MAST4: variants seen among roughly 807,000 people sequenced by gnomAD.
MAST4 encodes microtubule associated serine/threonine kinase family member 4.
Under a neutral mutation model 162.7 loss-of-function variants are expected in MAST4, and 89 were observed. That is an observed-to-expected ratio of 0.55 (90% CI 0.46 to 0.65). MAST4 has a LOEUF of 0.65. MAST4 is among the 30% of genes least tolerant of loss of function. The pLI, the probability that MAST4 is intolerant of heterozygous loss-of-function variation, is 0.00. For missense variants in MAST4, 3,153 were observed against 3,374.0 expected, an observed-to-expected ratio of 0.93 and a Z score of 1.62; for synonymous variants, 1,479 against 1,361.1, an observed-to-expected ratio of 1.09 and a Z score of -1.91.
At chr5:66,854,535 G>T (rs1759535171) in intron 3 of MAST4, among the ~76,000 whole-genome samples, 1 of 152,118 alleles carries the variant, frequency 6.6e-6, no homozygotes, top group African/African-American at 2.4e-5. Context: ...AGCCCACTTA[G>T]ATCCTTGTCA....
intron 4 of MAST4, among the ~76,000 whole-genome samples, chr5:66,931,740 G>A (rs1742218985): frequency 6.6e-6 from 1 of 151,984 alleles, no homozygotes; most frequent in Non-Finnish European, 1.5e-5. Context: ...TGCCTGAAAG[G>A]CATGTATATA....
At chr5:67,005,172 C>G (rs543853403) in intron 4 of MAST4, 18 of 713,390 alleles carry the variant, frequency 2.5e-5, no homozygotes, top group Admixed American at 2.0e-5. Context: ...CCCTCAGGAG[C>G]TGGGGTTTTG....
intron 1 of MAST4, among the ~76,000 whole-genome samples, chr5:66,715,179 G>A (rs1170827815): frequency 6.6e-6 from 1 of 152,310 alleles, no homozygotes; most frequent in South Asian, 2.1e-4. Flanking sequence ...ATCATGTCAT[G>A]TAGTCACAGG....
At chr5:66,751,454 C>T (rs909836860) in intron 1 of MAST4, among the ~76,000 whole-genome samples, 10 of 152,060 alleles carry the variant, frequency 6.6e-5, no homozygotes, top group Non-Finnish European at 1.2e-4. Context: ...CTTAAAGGAG[C>T]TGATGGAGCT....
At chr5:66,803,048 T>G (rs1309525565) in intron 3 of MAST4, among the ~76,000 whole-genome samples, 2 of 152,196 alleles carry the variant, frequency 1.3e-5, no homozygotes, top group African/African-American at 4.8e-5. Flanking sequence ...TGACGTTTCT[T>G]GGCTCTGTAA....
intron 5 of MAST4, among the ~76,000 whole-genome samples, chr5:67,064,565 T>C (rs1760005245): frequency 6.6e-6 from 1 of 152,218 alleles, no homozygotes; most frequent in Admixed American, 6.5e-5. Flanking sequence ...TACTTTATTT[T>C]GAAAGTAGTT....
At chr5:66,975,759 C>T (rs573187495) in intron 4 of MAST4, among the ~76,000 whole-genome samples, 4 of 152,122 alleles carry the variant, frequency 2.6e-5, no homozygotes, top group East Asian at 1.9e-4. Flanking sequence ...TTTGGGAGGC[C>T]GAAGCAGGTG....
At chr5:66,667,681 C>T (rs10042301) in intron 1 of MAST4, among the ~76,000 whole-genome samples, 49,559 of 152,064 alleles carry the variant, frequency 0.33, 8,561 homozygotes, top group African/African-American at 0.45. Flanking sequence ...ATCTGTTCTT[C>T]ATTTTACTGC....
chr5:66,649,752 T>C (rs949199523), intron 1 of MAST4, among the ~76,000 whole-genome samples: 4 of 152,062 alleles, frequency 2.6e-5, no homozygotes, highest in African/African-American at 9.7e-5. Context: ...TACTCCTCTG[T>C]AAGGACCTTG....
intron 4 of MAST4, among the ~76,000 whole-genome samples, chr5:66,916,095 A>G (rs1238734488): frequency 6.6e-6 from 1 of 152,232 alleles, no homozygotes; most frequent in Non-Finnish European, 1.5e-5. Flanking sequence ...TTATGTTAAT[A>G]GCATGCTGAA....
intron 6 of MAST4, among the ~76,000 whole-genome samples, chr5:67,094,434 C>T (rs757695142): frequency 6.6e-6 from 1 of 152,210 alleles, no homozygotes; most frequent in Non-Finnish European, 1.5e-5. Context: ...ATTTTGTCCA[C>T]TCTTGTCACT....
chr5:66,800,085 T>G (rs1402317050), intron 3 of MAST4, among the ~76,000 whole-genome samples: 1 of 152,206 alleles, frequency 6.6e-6, no homozygotes, highest in African/African-American at 2.4e-5. Flanking sequence ...AGTTTATGAT[T>G]TATAGAACTG....
Position 67,166,238 on chromosome 5 carries a change from G to T in MAST4, c.7059G>T (p.Gln2353His), listed in dbSNP as rs1215701396. The T allele has an allele frequency of 6.4e-7, 1 of 1,551,880 alleles. No homozygotes were observed. Among genetic ancestry groups the T allele is most frequent in the Non-Finnish European group, 8.7e-7 (1 of 1,147,444 alleles). ...PTLCKQTDNRQTDKSPSQPAA... is the reference protein window; with the variant it reads ...PTLCKQTDNRHTDKSPSQPAA... Reference sequence around the variant, plus strand: ...TGTGCAAACAGACAGACAACAGACAGACAGACAAAAGCCCGAGTCAGCCGG... The same window carrying T: ...TGTGCAAACAGACAGACAACAGACATACAGACAAAAGCCCGAGTCAGCCGG... Residue 2353 changes from glutamine (Q) to histidine (H), a missense_variant, in exon 29 of 29, where the codon CAG (glutamine) becomes CAT (histidine). Physicochemically the swap from Gln to His is conservative, Grantham distance 24. This residue lies in a region of MAST4 where 1,644 missense variants were observed against 1,495.0 expected (regional missense o/e 1.10). Transcript: ENST00000403625.
chr5:67,018,491 G>A (rs956827457), intron 4 of MAST4, among the ~76,000 whole-genome samples: 3 of 152,010 alleles, frequency 2.0e-5, no homozygotes, highest in African/African-American at 7.3e-5. Flanking sequence ...CTTCAGCCTG[G>A]GCAACAGAAC....
Position 67,166,202 on chromosome 5 carries a change from T to C in MAST4, c.7023T>C (p.Asp2341=), listed in dbSNP as rs1418454052. The change falls in exon 29 of 29, where the codon GAT becomes GAC. Residue 2341 remains aspartate (D), a synonymous_variant. Transcript: ENST00000403625. The stretch of plus-strand genomic sequence containing the variant: ...ACCCCAAACCATCCACTGTGAAAGA[T>C]TGCCCCACCCTGTGCAAACAGACAG... ...PKHPKPSTVK[D]CPTLCKQTDN... 23 of 1,553,150 alleles carry C rather than the reference T, an allele frequency of 1.5e-5. No individual in the cohort carries two copies. The highest frequency in any genetic ancestry group is 4.9e-5 in the East Asian group (2 of 40,960).
chr5:66,652,036 G>A (rs1466036984), intron 1 of MAST4, among the ~76,000 whole-genome samples: 5 of 152,182 alleles, frequency 3.3e-5, no homozygotes, highest in Non-Finnish European at 5.9e-5. Flanking sequence ...TTTAAGGGGA[G>A]GGGATTACCT....
intron 4 of MAST4, among the ~76,000 whole-genome samples, chr5:66,940,200 T>C (rs2150100251): frequency 6.6e-6 from 1 of 152,316 alleles, no homozygotes; most frequent in Middle Eastern, 3.4e-3. Flanking sequence ...CATAATCTTT[T>C]TGCTGCTGGA....
chr5:66,604,017 C>T (rs185328569), intron 1 of MAST4, among the ~76,000 whole-genome samples: 41 of 152,318 alleles, frequency 2.7e-4, no homozygotes, highest in Admixed American at 1.6e-3. Context: ...CTTCTCTCAT[C>T]GCCCTTTCAC....
intron 4 of MAST4, among the ~76,000 whole-genome samples, chr5:66,911,633 G>A (rs2150016282): frequency 6.9e-6 from 1 of 144,412 alleles, no homozygotes; most frequent in Admixed American, 7.4e-5. Flanking sequence ...CTACTAGGGA[G>A]GCTGAGGCTG....
Sources: allele counts gnomAD v4.1 joint callset (sites outside exome capture counted in the v4.1 genomes callset), GRCh38; gene constraint gnomAD v4.1.1; regional missense constraint gnomAD v4.1.1; transcripts MANE v1.5; gene names NCBI Gene and HGNC (gene_info 2026-07-23, HGNC 2026-07-21).